Variants in TMEM132D observed in about 807,000 individuals in gnomAD.
TMEM132D encodes mature OL transmembrane protein.
In TMEM132D, 21 loss-of-function variants were observed where a neutral mutation model predicts 62.3. The ratio of observed to expected loss-of-function variants is 0.34; its 90% CI spans 0.24 to 0.49. The LOEUF is 0.49. Among genes scored for constraint, TMEM132D ranks in the 20% least tolerant of loss-of-function variants. The probability of loss-of-function intolerance (pLI) is 0.99; values close to 1 mark genes in which losing one functional copy is unlikely to be tolerated. For missense variants in TMEM132D, 1,346 were observed against 1,402.8 expected (o/e 0.96, Z 0.65); for synonymous variants, 621 against 575.6 (o/e 1.08, Z -1.13).
intron 4 of TMEM132D, among the ~76,000 whole-genome samples, chr12:129,313,721 T>C (rs185617427): frequency 6.6e-6 from 1 of 152,310 alleles, no homozygotes; most frequent in Admixed American, 6.5e-5. Context: ...TCTGGGTAGA[T>C]ACCCAGTAGT....
chr12:129,312,846 T>C (rs1487085960), intron 4 of TMEM132D, among the ~76,000 whole-genome samples: 1 of 152,202 alleles, frequency 6.6e-6, no homozygotes, highest in Non-Finnish European at 1.5e-5. Flanking sequence ...ATAAATAAAA[T>C]AGATGAAGCA....
intron 2 of TMEM132D, among the ~76,000 whole-genome samples, chr12:129,580,475 A>G (rs1877817144): frequency 6.6e-6 from 1 of 152,348 alleles, no homozygotes; most frequent in South Asian, 2.1e-4. Context: ...ATCTTCATTT[A>G]GTAACAGATG....
intron 3 of TMEM132D, among the ~76,000 whole-genome samples, chr12:129,500,355 C>T (rs1052923022): frequency 3.4e-5 from 5 of 148,690 alleles, no homozygotes; most frequent in African/African-American, 1.2e-4. Flanking sequence ...ATACCCTGAG[C>T]GGGGAGGCAA....
intron 3 of TMEM132D, among the ~76,000 whole-genome samples, chr12:129,408,086 C>A (rs1485046598): frequency 6.6e-6 from 1 of 152,030 alleles, no homozygotes; most frequent in Non-Finnish European, 1.5e-5. Flanking sequence ...TCTAAGTGAT[C>A]TCCCCCCTCT....
intron 5 of TMEM132D, among the ~76,000 whole-genome samples, chr12:129,183,605 G>A (rs551798738): frequency 3.3e-5 from 5 of 152,348 alleles, no homozygotes; most frequent in South Asian, 2.1e-4. Flanking sequence ...TTTTTAACAT[G>A]CATTTGTTGC....
At chr12:129,711,206 C>A (rs778361858) in intron 1 of TMEM132D, among the ~76,000 whole-genome samples, 1 of 152,244 alleles carries the variant, frequency 6.6e-6, no homozygotes, top group Non-Finnish European at 1.5e-5. Flanking sequence ...GATGTCCCAG[C>A]TCAGAAAATG....
intron 4 of TMEM132D, among the ~76,000 whole-genome samples, chr12:129,263,723 G>A (rs368402653): frequency 1.3e-5 from 2 of 152,050 alleles, no homozygotes; most frequent in African/African-American, 4.8e-5. Context: ...AGGCACTTGT[G>A]CTTCCAAAGG....
intron 2 of TMEM132D, among the ~76,000 whole-genome samples, chr12:129,571,131 A>G (rs998996932): frequency 4.6e-5 from 7 of 152,230 alleles, no homozygotes; most frequent in Non-Finnish European, 7.3e-5. Context: ...AATGTAGCCA[A>G]AGGGAAGTTG....
intron 1 of TMEM132D, among the ~76,000 whole-genome samples, chr12:129,854,015 G>T (rs564493649): frequency 1.3e-5 from 2 of 152,134 alleles, no homozygotes; most frequent in South Asian, 2.1e-4. Flanking sequence ...AAGCCACCTT[G>T]GGGGGATGGG....
intron 2 of TMEM132D, among the ~76,000 whole-genome samples, chr12:129,605,612 C>CACACACAT (rs1400941127): frequency 1.3e-5 from 1 of 77,272 alleles, no homozygotes; most frequent in Non-Finnish European, 2.7e-5. Flanking sequence ...TATACACACA[C>CACACACAT]ATATATATAT....
chr12:129,222,104 A>T (rs1192891071), intron 4 of TMEM132D, among the ~76,000 whole-genome samples: 1 of 152,140 alleles, frequency 6.6e-6, no homozygotes, highest in African/African-American at 2.4e-5. Flanking sequence ...TGGCACTCAC[A>T]CTAAAATGAA....
intron 5 of TMEM132D, among the ~76,000 whole-genome samples, chr12:129,113,856 A>C (rs1875801354): frequency 6.6e-6 from 1 of 152,212 alleles, no homozygotes; most frequent in Non-Finnish European, 1.5e-5. Flanking sequence ...TGATCTTGAC[A>C]GAAGACCAGG....
At chr12:129,810,811 C>T (rs548846273) in intron 1 of TMEM132D, among the ~76,000 whole-genome samples, 112 of 152,168 alleles carry the variant, frequency 7.4e-4, no homozygotes, top group Middle Eastern at 3.4e-3. Context: ...TCCAAAAAAT[C>T]GAGTTGAGGA....
chr12:129,812,175 C>T (rs1456735465), intron 1 of TMEM132D, among the ~76,000 whole-genome samples: 1 of 151,760 alleles, frequency 6.6e-6, no homozygotes, highest in Non-Finnish European at 1.5e-5. Context: ...TGCGCACATT[C>T]CCATAACGTG....
rs1253087571 is a variant in TMEM132D, at chr12:129,827,503, T to G, written c.79+75758A>C. ...GGGTATTTTGCAACTTTTTAACTAT[T>G]TTACTTCTATGGCTGATTAGACTGA... is the stretch of plus-strand genomic sequence containing the variant. On this transcript the variant is annotated intron_variant, in intron 1 of 8. Transcript: ENST00000422113. This position sits in a 1 kb window ranked among gnomAD's most constrained non-coding sequence, Gnocchi z 9.7. Among the ~76,000 whole-genome samples the G allele has an allele frequency of 6.6e-6, 1 of 152,190 alleles. No individual in the cohort carries two copies. Among genetic ancestry groups the G allele is most frequent in the East Asian group, 1.9e-4 (1 of 5,202 alleles).
intron 5 of TMEM132D, among the ~76,000 whole-genome samples, chr12:129,112,471 G>T (rs1423169920): frequency 1.3e-5 from 2 of 152,210 alleles, no homozygotes; most frequent in African/African-American, 2.4e-5. Flanking sequence ...AGACCATCCT[G>T]ACCAACATGG....
intron 3 of TMEM132D, among the ~76,000 whole-genome samples, chr12:129,367,666 G>A (rs1032114543): frequency 4.6e-5 from 7 of 152,276 alleles, no homozygotes; most frequent in African/African-American, 1.7e-4. Context: ...GAAAGGCCTG[G>A]GGACATAATT....
At chr12:129,081,659 C>G in intron 7 of TMEM132D, 100 bp downstream of exon 7, 1 of 1,460,754 alleles carries the variant, frequency 6.8e-7, no homozygotes, top group Non-Finnish European at 9.1e-7. Flanking sequence ...AAAATAGATA[C>G]CATTCCCAGC....
chr12:129,892,338 C>G (rs1874953111), intron 1 of TMEM132D, among the ~76,000 whole-genome samples: 1 of 152,212 alleles, frequency 6.6e-6, no homozygotes, highest in Admixed American at 6.5e-5. Flanking sequence ...CTTAAAACAT[C>G]TCTACCAATC....
Sources: gnomAD v4.1 joint callset for allele counts (sites outside exome capture counted in the v4.1 genomes callset) on GRCh38, gnomAD v4.1.1 for gene constraint, Gnocchi (gnomAD v3.1) non-coding constraint, MANE v1.5 for transcripts, NCBI Gene and HGNC (gene_info 2026-07-23, HGNC 2026-07-21) for gene names.